The following SOX6 variants were observed in gnomAD, a reference collection of about 807,000 sequenced individuals.
The protein encoded by SOX6 is transcription factor SOX-6.
Under a neutral mutation model 97.8 loss-of-function variants are expected in SOX6, and 11 were observed. The ratio of observed to expected loss-of-function variants is 0.11; its 90% CI spans 0.07 to 0.19. SOX6 has a LOEUF of 0.19. Ranked by LOEUF, SOX6 falls within the 10% of genes least tolerant of loss-of-function variation. The pLI, the probability that SOX6 is intolerant of heterozygous loss-of-function variation, is 1.00. For synonymous variants in SOX6, 360 were observed against 371.4 expected (o/e 0.97, Z 0.35); for missense variants, 810 against 1,039.5 (o/e 0.78, Z 3.04).
At chr11:16,274,303 TATATTTAG>T (rs1241803180) in intron 3 of SOX6, among the ~76,000 whole-genome samples, 1 of 152,108 alleles carries the variant, frequency 6.6e-6, no homozygotes, top group Non-Finnish European at 1.5e-5. Context: ...TGTATCAATT[TATATTTAG>T]ATAGCATCTA....
intron 1 of SOX6, among the ~76,000 whole-genome samples, chr11:16,404,726 T>TGG (rs1723051499): frequency 6.6e-6 from 1 of 152,004 alleles, no homozygotes; most frequent in Admixed American, 6.6e-5. Context: ...TGCTCCTTGC[T>TGG]GTGGAATGTT....
chr11:16,140,076 T>C (rs1850089953), intron 6 of SOX6, among the ~76,000 whole-genome samples: 1 of 151,688 alleles, frequency 6.6e-6, no homozygotes, highest in African/African-American at 2.4e-5. Flanking sequence ...TACATACATA[T>C]GTATATTTAT....
chr11:16,451,878 T>A (rs1859723219), intron 1 of SOX6, among the ~76,000 whole-genome samples: 2 of 151,846 alleles, frequency 1.3e-5, no homozygotes, highest in Admixed American at 1.3e-4. Context: ...AAAAAAAATT[T>A]TTTTAATTAG....
chr11:16,468,153 T>A (rs1431958660), intron 1 of SOX6, among the ~76,000 whole-genome samples: 3 of 152,190 alleles, frequency 2.0e-5, no homozygotes, highest in Admixed American at 6.5e-5. Context: ...CATCGGGCAC[T>A]GAATCACTTT....
chr11:16,046,267 T>G (rs1464627850), intron 12 of SOX6, among the ~76,000 whole-genome samples: 1 of 152,158 alleles, frequency 6.6e-6, no homozygotes, highest in East Asian at 1.9e-4. Flanking sequence ...TTTCAGAATG[T>G]GACAGAAAAA....
chr11:16,532,211 C>T lies in SOX6; in HGVS notation n.610-55823G>A, dbSNP rs1590235452. On this transcript the variant is annotated intron_variant and non_coding_transcript_variant, in intron 4 of 5. Transcript: ENST00000524520. ...TTTCCCTATACTTCCTCTTCAAATT[C>T]ATTTTTTTAAGTGACTAGTCTTAGA... is the stretch of plus-strand genomic sequence containing the variant. 2.0e-5 allele frequency among the ~76,000 whole-genome samples: 3 copies of T among 151,880 alleles called. No homozygotes were observed. In the East Asian group the frequency reaches 5.8e-4, roughly 29 times the overall value.
chr11:16,556,931 C>A (rs1166094621), intron 4 of SOX6, among the ~76,000 whole-genome samples: 1 of 151,666 alleles, frequency 6.6e-6, no homozygotes, highest in Non-Finnish European at 1.5e-5. Context: ...TATAATCCAC[C>A]TTTTCTTTAT....
intron 6 of SOX6, among the ~76,000 whole-genome samples, chr11:16,164,462 A>T (rs1472107127): frequency 6.6e-6 from 1 of 152,164 alleles, no homozygotes; most frequent in Non-Finnish European, 1.5e-5. Context: ...ACTTGTTTTC[A>T]AGATGTTCTG....
chr11:16,313,230 T>A (rs1341014851), intron 3 of SOX6: 1 of 152,192 alleles, frequency 6.6e-6, no homozygotes, highest in Non-Finnish European at 1.5e-5. Context: ...TTTTGTTTCA[T>A]CATGCAAATA....
intron 4 of SOX6, among the ~76,000 whole-genome samples, chr11:16,488,852 T>A (rs1042900552): frequency 6.6e-6 from 1 of 152,024 alleles, no homozygotes; most frequent in Non-Finnish European, 1.5e-5. Flanking sequence ...GCCTCAGAGG[T>A]TGCCTCACAT....
intron 1 of SOX6, among the ~76,000 whole-genome samples, chr11:16,428,045 C>T (rs1045890895): frequency 6.6e-6 from 1 of 152,222 alleles, no homozygotes; most frequent in African/African-American, 2.4e-5. Context: ...GATGGTATCT[C>T]ATTGTGGTTT....
chr11:16,350,345 T>C (rs1856907437), intron 1 of SOX6, among the ~76,000 whole-genome samples: 1 of 152,224 alleles, frequency 6.6e-6, no homozygotes, highest in African/African-American at 2.4e-5. Context: ...AGTCTCTAGC[T>C]GCACGTTTTA....
At chr11:16,414,649 C>G (rs192804550) in intron 1 of SOX6, among the ~76,000 whole-genome samples, 3 of 151,848 alleles carry the variant, frequency 2.0e-5, no homozygotes, top group Non-Finnish European at 4.4e-5. Flanking sequence ...TAAATTGTGA[C>G]AAGAACAAAA....
intron 2 of SOX6, among the ~76,000 whole-genome samples, chr11:16,730,401 A>G (rs1848340597): frequency 6.6e-6 from 1 of 152,236 alleles, no homozygotes; most frequent in South Asian, 2.1e-4. Flanking sequence ...ACAGTCTTTC[A>G]GACCCAGTGC....
rs568224490 is a variant in SOX6, at chr11:15,991,315, G to A, written c.1733-2085C>T. Among the ~76,000 whole-genome samples, 4 of 152,274 alleles carry A rather than the reference G, an allele frequency of 2.6e-5. No homozygotes were observed. The South Asian group carries it at 6.2e-4, about 24-fold the overall frequency. The stretch of plus-strand genomic sequence containing the variant: ...TTGACAGCCATGTTTATTGCGCAGT[G>A]AAATGTAGTGTAGCTTCCAGCTGAC... On this transcript the variant is annotated intron_variant, in intron 13 of 15. Transcript: ENST00000683767.
intron 6 of SOX6, among the ~76,000 whole-genome samples, chr11:16,146,948 T>C (rs1417342257): frequency 6.6e-6 from 1 of 152,164 alleles, no homozygotes. Context: ...AGTGCGGCGA[T>C]TCCTCAAGGA....
chr11:16,616,122 C>T (rs547421617), intron 3 of SOX6, among the ~76,000 whole-genome samples: 5 of 152,236 alleles, frequency 3.3e-5, no homozygotes, highest in Non-Finnish European at 7.4e-5. Flanking sequence ...CCACTTGCCT[C>T]TTCCCAAATC....
intron 3 of SOX6, among the ~76,000 whole-genome samples, chr11:16,294,522 T>A (rs763305393): frequency 6.6e-6 from 1 of 152,124 alleles, no homozygotes; most frequent in Non-Finnish European, 1.5e-5. Context: ...CTACATTAAG[T>A]GTTTAACACT....
At chr11:16,576,805 T>C (rs76675588) in intron 4 of SOX6, 12,128 of 152,260 alleles carry the variant, frequency 0.08, 711 homozygotes, top group Middle Eastern at 0.22. Context: ...ACAGATCAGA[T>C]AGCTATGTTT....
Sources: gnomAD v4.1 joint callset for allele counts (sites outside exome capture counted in the v4.1 genomes callset) on GRCh38, gnomAD v4.1.1 for gene constraint, MANE v1.5 for transcripts, NCBI Gene and HGNC (gene_info 2026-07-23, HGNC 2026-07-21) for gene names.